The following DHX40 variants were observed in gnomAD, a reference collection of about 807,000 sequenced individuals.
The protein encoded by DHX40 is probable ATP-dependent RNA helicase DHX40.
Under a neutral mutation model 89.6 loss-of-function variants are expected in DHX40, and 28 were observed. The ratio of observed to expected loss-of-function variants is 0.31; its 90% CI spans 0.23 to 0.43. The LOEUF is 0.43. DHX40 is among the 20% of genes least tolerant of loss of function. The pLI is 1.00. For synonymous variants in DHX40, 226 were observed against 283.6 expected (o/e 0.80, Z 2.04); for missense variants, 457 against 844.0 (o/e 0.54, Z 5.68).
At chr17:59,570,815 T>A in intron 3 of DHX40, 152 bp downstream of exon 3, 1 of 645,610 alleles carries the variant, frequency 1.5e-6, no homozygotes, top group Non-Finnish European at 2.4e-6. Flanking sequence ...CTTGGGTAGC[T>A]GGGACTACAG....
intron 12 of DHX40, among the ~76,000 whole-genome samples, chr17:59,595,377 C>T (rs1195405418): frequency 2.6e-5 from 4 of 152,282 alleles, no homozygotes; most frequent in Middle Eastern, 3.4e-3. Flanking sequence ...GCCATGCACT[C>T]GGCCAATTTT....
chr17:59,597,792 G>A (rs1442935404), intron 12 of DHX40, among the ~76,000 whole-genome samples: 3 of 151,204 alleles, frequency 2.0e-5, no homozygotes, highest in South Asian at 2.1e-4. Flanking sequence ...AAAATTAGCC[G>A]GGCGCGGTGG....
intron 2 of DHX40, among the ~76,000 whole-genome samples, chr17:59,568,223 G>T (rs2048735878): frequency 6.6e-6 from 1 of 152,058 alleles, no homozygotes; most frequent in Non-Finnish European, 1.5e-5. Flanking sequence ...GTGAGACTCT[G>T]TGTCAAAAAA....
chr17:59,577,022 C>G, intron 7 of DHX40: 1 of 467,958 alleles, frequency 2.1e-6, no homozygotes, highest in South Asian at 1.9e-5. Flanking sequence ...GGGGCGCGCC[C>G]CCACGCCCTG....
At chr17:59,569,681 G>T (rs867349156) in intron 2 of DHX40, among the ~76,000 whole-genome samples, 96 of 137,604 alleles carry the variant, frequency 7.0e-4, no homozygotes, top group African/African-American at 2.7e-3. Context: ...GCAATACTCC[G>T]TCTCAAAAAA....
chr17:59,574,138 G>A, intron 5 of DHX40, 50 bp from the exon 6 acceptor site: 2 of 533,078 alleles, frequency 3.8e-6, no homozygotes, highest in Non-Finnish European at 6.3e-6. Context: ...TGGTGGTAAG[G>A]GAATGACTGT....
chr17:59,589,918 A>G (rs567024051), intron 12 of DHX40, among the ~76,000 whole-genome samples: 1 of 150,778 alleles, frequency 6.6e-6, no homozygotes, highest in African/African-American at 2.5e-5. Context: ...ATGGGGTTTC[A>G]CCATGTTGGT....
intron 2 of DHX40, among the ~76,000 whole-genome samples, chr17:59,570,157 C>A (rs2333552): frequency 8.3e-6 from 1 of 120,074 alleles, no homozygotes. Context: ...TTATATAATA[C>A]ATATAATATG....
chr17:59,587,819 A>G (rs1036939254), intron 11 of DHX40, 77 bp from the exon 12 acceptor site: 37 of 1,549,394 alleles, frequency 2.4e-5, no homozygotes, highest in South Asian at 1.1e-4. Flanking sequence ...ATTATATCTG[A>G]TTTATTCTGA....
chr17:59,602,336 G>A (rs192070334), intron 14 of DHX40, among the ~76,000 whole-genome samples, 186 bp from the exon 15 acceptor site: 46 of 152,276 alleles, frequency 3.0e-4, no homozygotes, highest in African/African-American at 1.1e-3. Flanking sequence ...ATATTACAGT[G>A]TTTTGGAAAT....
Position 59,565,742 on chromosome 17 carries a change from T to A in DHX40, c.71T>A (p.Leu24His), listed in dbSNP as rs2048694740. 2 of 1,605,066 alleles carry A rather than the reference T, an allele frequency of 1.2e-6. No homozygotes were observed. The highest frequency in any genetic ancestry group is 3.3e-5 in the Admixed American group (2 of 59,942). ...RQEEGERSRDLQEERLSAVCI... is the reference protein window; with the variant it reads ...RQEEGERSRDHQEERLSAVCI... Reference sequence around the variant, plus strand: ...GAGGAGGGTGAGCGGTCAAGAGACCTCCAGGAAGAGCGGCTCTCGGCTGTT... The same window carrying A: ...GAGGAGGGTGAGCGGTCAAGAGACCACCAGGAAGAGCGGCTCTCGGCTGTT... Residue 24 changes from leucine (L) to histidine (H), a missense_variant, in exon 1 of 18, where the codon CTC becomes CAC. Physicochemically the swap from Leu to His is moderately conservative, Grantham distance 99 (BLOSUM62 -3). Coordinates refer to ENST00000251241, the MANE Select transcript of DHX40 (RefSeq NM_024612.5).
At chr17:59,573,589 C>G in intron 4 of DHX40, 151 bp from the exon 5 acceptor site, 1 of 922,132 alleles carries the variant, frequency 1.1e-6, no homozygotes, top group Admixed American at 2.9e-5. Context: ...TCCCAAAGTG[C>G]TGGGATTACA....
intron 2 of DHX40, among the ~76,000 whole-genome samples, chr17:59,569,987 T>TGAGCCGAGATTGCGCC (rs1394326266): frequency 7.0e-6 from 1 of 143,108 alleles, no homozygotes; most frequent in Admixed American, 7.4e-5. Flanking sequence ...GAGGTTGCGG[T>TGAGCCGAGATTGCGCC]GAGCCGAGAT....
intron 15 of DHX40, 63 bp downstream of exon 15, chr17:59,602,679 A>G: frequency 1.5e-6 from 2 of 1,317,626 alleles, no homozygotes; most frequent in Admixed American, 1.9e-5. Context: ...ATAATATTGG[A>G]CTATTTAATA....
At chr17:59,581,152 A>G (rs1241030810) in intron 10 of DHX40, among the ~76,000 whole-genome samples, 1 of 147,398 alleles carries the variant, frequency 6.8e-6, no homozygotes, top group Non-Finnish European at 1.5e-5. Flanking sequence ...GGCCAGCATC[A>G]TACTATATAC....
intron 2 of DHX40, among the ~76,000 whole-genome samples, chr17:59,567,204 C>A (rs1409805469): frequency 6.6e-6 from 1 of 152,156 alleles, no homozygotes; most frequent in Non-Finnish European, 1.5e-5. Context: ...CTGACTTTGC[C>A]AGCGCAAGCC....
chr17:59,573,274 GTAGT>G (rs1416104194), intron 4 of DHX40, 39 bp downstream of exon 4: 1 of 1,552,872 alleles, frequency 6.4e-7, no homozygotes, highest in Non-Finnish European at 8.7e-7. Context: ...TTATTAGCAA[GTAGT>G]TTGTTTGGGT....
intron 2 of DHX40, among the ~76,000 whole-genome samples, chr17:59,569,496 G>A (rs1341729913): frequency 1.3e-5 from 2 of 150,540 alleles, no homozygotes; most frequent in Non-Finnish European, 3.0e-5. Flanking sequence ...AACAGACAAA[G>A]CCTGAATTCT....
At chr17:59,585,894 G>C (rs2048988291) in intron 10 of DHX40, among the ~76,000 whole-genome samples, 1 of 151,070 alleles carries the variant, frequency 6.6e-6, no homozygotes, top group South Asian at 2.1e-4. Context: ...GGCAGGATTA[G>C]GATAAGTAGA....
Sources: gnomAD v4.1 joint callset for allele counts (sites outside exome capture counted in the v4.1 genomes callset) on GRCh38, gnomAD v4.1.1 for gene constraint, MANE v1.5 for transcripts, NCBI Gene and HGNC (gene_info 2026-07-23, HGNC 2026-07-21) for gene names.